EPAS1: variants seen among roughly 807,000 people sequenced by gnomAD.
The protein encoded by EPAS1 is endothelial PAS domain-containing protein 1.
A neutral mutation model predicts 87.9 loss-of-function variants in EPAS1; 23 were observed. The ratio of observed to expected loss-of-function variants is 0.26; its 90% CI spans 0.19 to 0.37. The LOEUF (loss-of-function observed/expected upper bound fraction) is 0.37. Ranked by LOEUF, EPAS1 falls within the 10% of genes least tolerant of loss-of-function variation. The pLI is 1.00. For missense variants in EPAS1, 1,138 were observed against 1,120.7 expected, an observed-to-expected ratio of 1.02 and a Z score of -0.22; for synonymous variants, 508 against 444.3, an observed-to-expected ratio of 1.14 and a Z score of -1.80.
At chr2:46,342,147 G>A (rs115777437) in intron 1 of EPAS1, among the ~76,000 whole-genome samples, 1,992 of 152,264 alleles carry the variant, frequency 0.013, 52 homozygotes, top group African/African-American at 0.046. Flanking sequence ...CCAGGCATCT[G>A]TTTTTTAAGG....
chr2:46,314,186 T>A (rs1184457237), intron 1 of EPAS1, among the ~76,000 whole-genome samples: 1 of 152,226 alleles, frequency 6.6e-6, no homozygotes, highest in Non-Finnish European at 1.5e-5. Flanking sequence ...TTGTTTGTCT[T>A]ATTTGGCAAT....
At chr2:46,341,885 A>C (rs1683920237) in intron 1 of EPAS1, among the ~76,000 whole-genome samples, 1 of 152,334 alleles carries the variant, frequency 6.6e-6, no homozygotes, top group East Asian at 1.9e-4. Flanking sequence ...CCCAGTGCTC[A>C]ATAAATATGT....
intron 1 of EPAS1, among the ~76,000 whole-genome samples, chr2:46,302,734 G>GAAAA (rs368452487): frequency 8.4e-6 from 1 of 119,536 alleles, no homozygotes; most frequent in East Asian, 3.4e-4. Context: ...GTCTGATTAG[G>GAAAA]AAAAAAAAAA....
At chr2:46,320,948 C>T (rs1459984462) in intron 1 of EPAS1, among the ~76,000 whole-genome samples, 3 of 152,136 alleles carry the variant, frequency 2.0e-5, no homozygotes, top group East Asian at 1.9e-4. Context: ...GCATTAAGTA[C>T]GTTCATATTG....
At position 46,381,968 on chromosome 2, in the gene EPAS1, C is replaced by T. The variant is rs779065327; in HGVS notation, c.2173-7C>T. The T allele has an allele frequency of 2.1e-6, 3 of 1,433,268 alleles. No individual in the cohort carries two copies. The highest frequency in any genetic ancestry group is 2.8e-6 in the Non-Finnish European group (3 of 1,061,942). 88.8% of individuals were successfully genotyped at this position (1,433,268 alleles called of 1,614,324 possible). On this transcript the variant is annotated splice_polypyrimidine_tract_variant and splice_region_variant and intron_variant, in intron 13 of 15. Coordinates refer to ENST00000263734, the MANE Select transcript of EPAS1 (RefSeq NM_001430.5). Reference sequence around the variant, plus strand: ...TTCCCCTTTCCATCTGCCCTTCTTACTCCCAGGGGGACCCACCTGGTGGCA... The same window carrying T: ...TTCCCCTTTCCATCTGCCCTTCTTATTCCCAGGGGGACCCACCTGGTGGCA...
chr2:46,320,944 A>C lies in EPAS1; in HGVS notation c.26+23007A>C, dbSNP rs376103493. Among the ~76,000 whole-genome samples the C allele has an allele frequency of 1.1e-4, 17 of 152,336 alleles. No individual in the cohort carries two copies. In the South Asian group the frequency reaches 1.9e-3, roughly 17 times the overall value. On this transcript the variant is annotated intron_variant, in intron 1 of 15. Transcript: ENST00000263734. The stretch of plus-strand genomic sequence containing the variant: ...TTAAGCCTGCAATTCAATGGCATTA[A>C]GTACGTTCATATTGTTGGGCTACAA...
At chr2:46,356,127 T>TGGGGGGGGGGGGCG in intron 2 of EPAS1, 24 bp from the exon 3 acceptor site, 1 of 1,395,472 alleles carries the variant, frequency 7.2e-7, no homozygotes, top group Non-Finnish European at 9.9e-7. Flanking sequence ...TCATGCAAGC[T>TGGGGGGGGGGGGCG]GTCCCACCCC....
intron 6 of EPAS1, among the ~76,000 whole-genome samples, chr2:46,366,800 T>C (rs1684511405): frequency 6.6e-6 from 1 of 152,226 alleles, no homozygotes; most frequent in African/African-American, 2.4e-5. Flanking sequence ...GGAAGGCTTG[T>C]CTGGAGCCTG....
intron 6 of EPAS1, 47 bp from the exon 7 acceptor site, chr2:46,369,780 G>C (rs1442931173): frequency 4.1e-6 from 6 of 1,448,904 alleles, no homozygotes; most frequent in African/African-American, 2.8e-5. Context: ...GCTGTGCTAA[G>C]TTAATATGGT....
intron 7 of EPAS1, among the ~76,000 whole-genome samples, chr2:46,372,473 A>G (rs1684647233): frequency 6.6e-6 from 1 of 152,222 alleles, no homozygotes; most frequent in African/African-American, 2.4e-5. Flanking sequence ...TTTACCGTTG[A>G]AATGCCTGGA....
chr2:46,339,662 T>TGCCCCACTGTC (rs1403298935), intron 1 of EPAS1, among the ~76,000 whole-genome samples: 2 of 152,252 alleles, frequency 1.3e-5, no homozygotes, highest in Non-Finnish European at 2.9e-5. Flanking sequence ...GAATAAAGAA[T>TGCCCCACTGTC]GCCCCACTGT....
At chr2:46,308,464 G>T (rs372418768) in intron 1 of EPAS1, among the ~76,000 whole-genome samples, 10 of 143,018 alleles carry the variant, frequency 7.0e-5, no homozygotes, top group Admixed American at 2.8e-4. Flanking sequence ...TTTTTTTGGG[G>T]GGGGGGGCTC....
At position 46,380,104 on chromosome 2, in the gene EPAS1, G is replaced by A; in HGVS notation, c.1555-123G>A. 6.6e-7 allele frequency: 1 copy of A among 1,521,630 alleles called. No homozygotes were observed. Among genetic ancestry groups the A allele is most frequent in the Non-Finnish European group, 9.0e-7 (1 of 1,110,668 alleles). The allele number at this position is 1,521,630 out of a possible 1,614,324, so 94.3% of individuals were successfully genotyped here. ...TGATAGGCCCTCGGGAGCCAGTGGA[G>A]GCGTTTGAGCAGCACTGTGAAACAG... On this transcript the variant is annotated intron_variant, in intron 11 of 15. Coordinates refer to ENST00000263734, the MANE Select transcript of EPAS1 (RefSeq NM_001430.5). This position sits in a 1 kb window ranked among gnomAD's most constrained non-coding sequence, Gnocchi z 4.4.
chr2:46,322,336 T>C (rs751166217), intron 1 of EPAS1, among the ~76,000 whole-genome samples: 15 of 152,246 alleles, frequency 9.9e-5, no homozygotes, highest in Non-Finnish European at 1.6e-4. Context: ...AGTCACTGTG[T>C]GGCAGATGAC....
At chr2:46,378,848 T>A in intron 11 of EPAS1, 81 bp downstream of exon 11, 1 of 1,309,378 alleles carries the variant, frequency 7.6e-7, no homozygotes. Context: ...TCTTGTAGCC[T>A]CATCCCTTTG....
At chr2:46,326,981 C>A (rs1446535597) in intron 1 of EPAS1, among the ~76,000 whole-genome samples, 1 of 152,120 alleles carries the variant, frequency 6.6e-6, no homozygotes, top group Admixed American at 6.5e-5. Flanking sequence ...ACCTCTGATT[C>A]TTCAACTGCA....
At chr2:46,374,466 A>G (rs1684689809) in intron 7 of EPAS1, among the ~76,000 whole-genome samples, 1 of 152,236 alleles carries the variant, frequency 6.6e-6, no homozygotes, top group South Asian at 2.1e-4. Context: ...CCATGTGGGT[A>G]CAGTCGATCC....
chr2:46,324,507 G>A (rs1415322202), intron 1 of EPAS1, among the ~76,000 whole-genome samples: 1 of 152,224 alleles, frequency 6.6e-6, no homozygotes, highest in East Asian at 1.9e-4. Flanking sequence ...GCTGGAGGTA[G>A]GGAACAGTAA....
intron 1 of EPAS1, among the ~76,000 whole-genome samples, chr2:46,302,118 C>CTCTGTGTGTGTGTGTGTG (rs35925160): frequency 7.1e-5 from 9 of 127,578 alleles, no homozygotes; most frequent in Admixed American, 1.6e-4. Flanking sequence ...CTCTTTCTCT[C>CTCTGTGTGTGTGTGTGTG]TGTGTGTGTG....
Sources: allele counts gnomAD v4.1 joint callset (sites outside exome capture counted in the v4.1 genomes callset), GRCh38; gene constraint gnomAD v4.1.1; non-coding constraint Gnocchi (gnomAD v3.1); transcripts MANE v1.5; gene names NCBI Gene and HGNC (gene_info 2026-07-23, HGNC 2026-07-21).